DCBLD1: variants seen among roughly 807,000 people sequenced by gnomAD.
DCBLD1 encodes the protein discoidin, CUB and LCCL domain-containing protein 1.
DCBLD1 carries 57 observed loss-of-function variants against 71.5 expected under a neutral mutation model. The ratio of observed to expected loss-of-function variants is 0.80; its 90% confidence interval spans 0.64 to 0.99. DCBLD1 has a LOEUF of 0.99. Ranked by LOEUF, DCBLD1 falls within the 50% of genes least tolerant of loss-of-function variation. The pLI, the probability that DCBLD1 is intolerant of heterozygous loss-of-function variation, is 0.00. For missense variants in DCBLD1, 891 were observed against 923.5 expected, an observed-to-expected ratio of 0.96 and a Z score of 0.46; for synonymous variants, 380 against 363.8, an observed-to-expected ratio of 1.04 and a Z score of -0.51.
At chr6:117,567,105 T>C (rs1236049558) in intron 14 of DCBLD1, 1 of 1,177,146 alleles carries the variant, frequency 8.5e-7, no homozygotes, top group Non-Finnish European at 1.2e-6. Flanking sequence ...TCCAAATTCT[T>C]TGTGGGAAGG....
intron 1 of DCBLD1, among the ~76,000 whole-genome samples, chr6:117,502,827 T>G (rs149820964): frequency 1.3e-5 from 2 of 152,238 alleles, no homozygotes; most frequent in East Asian, 3.8e-4. Flanking sequence ...CACCCAGTTG[T>G]GCATGTCCTT....
At position 117,493,234 on chromosome 6, in the gene DCBLD1, C is replaced by G. The variant is rs568085106; in HGVS notation, c.112+10341C>G. On this transcript the variant is annotated intron_variant, in intron 1 of 14. Transcript: ENST00000338728. ...CTTACAGGATCCAACAGAACAGTCA[C>G]TAATAAGAGCTTTTTGGAAATGTAG... is the stretch of plus-strand genomic sequence containing the variant. Among the ~76,000 whole-genome samples the G allele has an allele frequency of 5.3e-5, 8 of 152,318 alleles. No homozygotes were observed. In the East Asian group the frequency reaches 1.5e-3, roughly 29 times the overall value.
chr6:117,494,906 A>G (rs1777420821), intron 1 of DCBLD1: 1 of 152,274 alleles, frequency 6.6e-6, no homozygotes, highest in Non-Finnish European at 1.5e-5. Context: ...AGATGCCCCA[A>G]GAGGAAAGAG....
chr6:117,511,229 T>C (rs1360146399), intron 2 of DCBLD1, among the ~76,000 whole-genome samples: 1 of 152,202 alleles, frequency 6.6e-6, no homozygotes, highest in African/African-American at 2.4e-5. Context: ...TCCAGGCCTC[T>C]CCACAGGAGT....
intron 2 of DCBLD1, among the ~76,000 whole-genome samples, chr6:117,506,980 T>G (rs979878860): frequency 6.6e-6 from 1 of 152,256 alleles, no homozygotes; most frequent in African/African-American, 2.4e-5. Context: ...TATTTTTTAT[T>G]AACCAACTAA....
intron 5 of DCBLD1, among the ~76,000 whole-genome samples, chr6:117,528,321 A>G (rs993492467): frequency 2.0e-5 from 3 of 152,234 alleles, no homozygotes; most frequent in African/African-American, 7.2e-5. Flanking sequence ...AATAATTCAT[A>G]TGATGGAAAG....
chr6:117,542,122 G>A (rs972770845), intron 11 of DCBLD1, among the ~76,000 whole-genome samples: 5 of 151,802 alleles, frequency 3.3e-5, no homozygotes, highest in Admixed American at 2.0e-4. Flanking sequence ...GTGAAACCCC[G>A]TCTCTAATAA....
intron 2 of DCBLD1, among the ~76,000 whole-genome samples, chr6:117,513,257 G>A (rs1024021475): frequency 6.6e-6 from 1 of 152,172 alleles, no homozygotes; most frequent in Non-Finnish European, 1.5e-5. Context: ...GGTTTCCCTT[G>A]CAGCTGCTAA....
chr6:117,563,857 TA>T (rs1779639594), intron 14 of DCBLD1, among the ~76,000 whole-genome samples: 1 of 152,144 alleles, frequency 6.6e-6, no homozygotes, highest in Non-Finnish European at 1.5e-5. Flanking sequence ...CAGTAATTCC[TA>T]ACAGGGGAAT....
chr6:117,485,718 A>G (rs142384496), intron 1 of DCBLD1, among the ~76,000 whole-genome samples: 4 of 152,354 alleles, frequency 2.6e-5, no homozygotes, highest in African/African-American at 9.6e-5. Flanking sequence ...TTTTCAAATG[A>G]CTTCCTAACT....
At chr6:117,538,129 T>G (rs887500591) in intron 7 of DCBLD1, among the ~76,000 whole-genome samples, 3 of 152,288 alleles carry the variant, frequency 2.0e-5, no homozygotes, top group African/African-American at 4.8e-5. Flanking sequence ...TTCACATTGG[T>G]ATATTGGGCA....
chr6:117,497,808 A>T (rs1409485738), intron 1 of DCBLD1, among the ~76,000 whole-genome samples: 1 of 152,240 alleles, frequency 6.6e-6, no homozygotes, highest in Non-Finnish European at 1.5e-5. Context: ...TGTTACAAAG[A>T]ATGTTAGGTG....
chr6:117,525,542 G>C, intron 5 of DCBLD1, 108 bp downstream of exon 5: 2 of 740,758 alleles, frequency 2.7e-6, no homozygotes, highest in Non-Finnish European at 4.0e-6. Context: ...ACTCTAGATA[G>C]ATGCATGAGT....
chr6:117,528,670 C>T (rs575104153), intron 5 of DCBLD1, among the ~76,000 whole-genome samples: 1 of 152,278 alleles, frequency 6.6e-6, no homozygotes, highest in East Asian at 1.9e-4. Context: ...TTGCCTGAGG[C>T]ATGAAGGTAT....
intron 14 of DCBLD1, among the ~76,000 whole-genome samples, chr6:117,558,429 A>AT (rs1779524017): frequency 1.3e-5 from 2 of 152,008 alleles, no homozygotes; most frequent in South Asian, 2.1e-4. Flanking sequence ...CATAAGCTGG[A>AT]TTTTTTCCAA....
At chr6:117,547,761 C>T (rs1779317449) in intron 14 of DCBLD1, 146 bp from the exon 15 acceptor site, 2 of 1,526,306 alleles carry the variant, frequency 1.3e-6, no homozygotes, top group Non-Finnish European at 1.8e-6. Context: ...GCTTTCACAT[C>T]AGGGTTTTCC....
downstream of DCBLD1, among the ~76,000 whole-genome samples, chr6:117,552,824 A>C (rs1779448881): frequency 6.6e-6 from 1 of 151,632 alleles, no homozygotes; most frequent in South Asian, 2.1e-4. Flanking sequence ...TCAGCTCAAA[A>C]CCCCCTGAGT....
At chr6:117,547,741 G>A in intron 14 of DCBLD1, 166 bp from the exon 15 acceptor site, 1 of 1,433,348 alleles carries the variant, frequency 7.0e-7, no homozygotes, top group African/African-American at 1.4e-5. Context: ...GCCTGCGGGT[G>A]GCTTCTGTGG....
At chr6:117,504,092 G>C in intron 2 of DCBLD1, 113 bp downstream of exon 2, 1 of 1,198,340 alleles carries the variant, frequency 8.3e-7, no homozygotes, top group African/African-American at 1.5e-5. Flanking sequence ...AGAGAAACTT[G>C]CTTCTGTAAA....
Sources: allele counts gnomAD v4.1 joint callset (sites outside exome capture counted in the v4.1 genomes callset), GRCh38; gene constraint gnomAD v4.1.1; transcripts MANE v1.5; gene names NCBI Gene and HGNC (gene_info 2026-07-23, HGNC 2026-07-21).